Variants in TRRAP observed in about 807,000 individuals in gnomAD.
TRRAP encodes the protein transformation/transcription domain associated protein.
Under a neutral mutation model 438.8 loss-of-function variants are expected in TRRAP, and 41 were observed. The observed-to-expected ratio is 0.09, with a 90% CI of 0.07 to 0.12. The LOEUF (loss-of-function observed/expected upper bound fraction) is 0.12. Among genes scored for constraint, TRRAP ranks in the 10% least tolerant of loss-of-function variants. The pLI is 1.00. For missense variants in TRRAP, 3,122 were observed against 5,055.1 expected (o/e 0.62, Z 11.60); for synonymous variants, 1,994 against 1,962.9 (o/e 1.02, Z -0.42).
At chr7:98,949,879 T>C (rs1584349816) in intron 37 of TRRAP, 38 bp downstream of exon 37, 1 of 1,595,648 alleles carries the variant, frequency 6.3e-7, no homozygotes, top group East Asian at 2.2e-5. Context: ...CGGGACTGGC[T>C]CTGTCCCAAA....
chr7:99,005,301 G>C lies in TRRAP; in HGVS notation c.10706G>C (p.Cys3569Ser). 6.2e-7 allele frequency: 1 copy of C among 1,614,114 alleles called. No individual in the cohort carries two copies. The highest frequency in any genetic ancestry group is 8.5e-7 in the Non-Finnish European group (1 of 1,180,036). ...CAGCTGCTGCGTCTGCTGAACCCCTGTTTGGAGAAGAGAAAGGAGACCACC... is the reference window on the plus strand; with the variant it reads ...CAGCTGCTGCGTCTGCTGAACCCCTCTTTGGAGAAGAGAAAGGAGACCACC... ...VLQLLRLLNPCLEKRKETTKR... is the reference protein window; with the variant it reads ...VLQLLRLLNPSLEKRKETTKR... The change falls in exon 69 of 73, where the codon TGT (cysteine) becomes TCT (serine). Residue 3569 changes from cysteine to serine, a missense_variant. Cys to Ser is a moderately radical substitution (Grantham distance 112). Coordinates refer to ENST00000456197, the MANE Select transcript of TRRAP (RefSeq NM_001375524.1). The surrounding 1 kb of genome is among the most constrained non-coding windows in gnomAD (Gnocchi z 5.1).
At chr7:98,880,092 A>G (rs11771770) in intron 1 of TRRAP, among the ~76,000 whole-genome samples, 17,908 of 151,914 alleles carry the variant, frequency 0.12, 3,422 homozygotes, top group African/African-American at 0.4. Context: ...TACAAACAGA[A>G]TTTATAGTTT....
At chr7:98,936,198 A>G (rs888351253) in intron 28 of TRRAP, among the ~76,000 whole-genome samples, 6 of 152,216 alleles carry the variant, frequency 3.9e-5, no homozygotes, top group Admixed American at 2.6e-4. Flanking sequence ...ACCCAATACA[A>G]ACTTTTTTGG....
chr7:98,964,565 C>A, intron 47 of TRRAP, 64 bp from the exon 48 acceptor site: 1 of 1,573,562 alleles, frequency 6.4e-7, no homozygotes, highest in Non-Finnish European at 8.7e-7. Flanking sequence ...TAATGTGTTG[C>A]TTTCACTCTG....
rs782751763 is a variant in TRRAP, at chr7:98,899,775, G to A, written c.800+8G>A. 2.0e-5 allele frequency: 33 copies of A among 1,613,696 alleles called. No homozygotes were observed. The highest frequency in any genetic ancestry group is 4.4e-5 in the South Asian group (4 of 91,090). ...GGTGTCTGCACAAGCGAGGTGAGGC[G>A]TCACTGTAGCCGGCTGCCACAGTGC... is the stretch of plus-strand genomic sequence containing the variant. On this transcript the variant is annotated splice_region_variant and intron_variant, in intron 10 of 72. Coordinates refer to ENST00000456197, the MANE Select transcript of TRRAP (RefSeq NM_001375524.1).
At chr7:98,938,716 G>T (rs1790665822) in intron 30 of TRRAP, among the ~76,000 whole-genome samples, 2 of 152,126 alleles carry the variant, frequency 1.3e-5, no homozygotes, top group African/African-American at 4.8e-5. Context: ...CATTTAGATT[G>T]TTCCCAGCCT....
chr7:98,924,538 A>T (rs1554411155), intron 21 of TRRAP, among the ~76,000 whole-genome samples: 1 of 147,016 alleles, frequency 6.8e-6, no homozygotes, highest in Non-Finnish European at 1.5e-5. Context: ...ATACAAAAAA[A>T]ATTAGCCGGG....
rs757065093 is a variant in TRRAP, at chr7:98,976,753, A to C, written c.8230A>C (p.Ile2744Leu). Residue 2744 changes from isoleucine (I) to leucine (L), a missense_variant, in exon 55 of 73, where the codon ATC (isoleucine) becomes CTC (leucine). Physicochemically the swap from Ile to Leu is conservative, Grantham distance 5. This residue lies in a region of TRRAP where 992 missense variants were observed against 1,281.2 expected (regional missense o/e 0.77). Transcript: ENST00000456197. This position sits in a 1 kb window ranked among gnomAD's most constrained non-coding sequence, Gnocchi z 4.6. ...QTTEFYEQES[I>L]TPPQQEILDS... ...AACGGAGTTTTATGAGCAGGAGAGC[A>C]TCACCCCGCCGCAGCAGGTGAGGGT... 2 of 1,613,090 alleles carry C rather than the reference A, an allele frequency of 1.2e-6. No individual in the cohort carries two copies. Among genetic ancestry groups the C allele is most frequent in the Admixed American group, 1.7e-5 (1 of 60,010 alleles).
intron 56 of TRRAP, among the ~76,000 whole-genome samples, chr7:98,977,912 C>T (rs993486592): frequency 6.6e-6 from 1 of 152,222 alleles, no homozygotes; most frequent in Non-Finnish European, 1.5e-5. Flanking sequence ...ATTTAGTGCT[C>T]CTGGAGAAGA....
Position 98,910,226 on chromosome 7 carries a change from T to A in TRRAP, c.1521T>A (p.Pro507=). Residue 507 remains proline (P), a synonymous_variant, in exon 15 of 73, where the codon CCT becomes CCA. Coordinates refer to ENST00000456197, the MANE Select transcript of TRRAP (RefSeq NM_001375524.1). ...APSPAPVPAP[P]PPPPPPPPAT... ...CCCCAGCCCCTGTCCCTGCCCCACC[T>A]CCACCCCCGCCCCCACCCCCACCTG... The A allele has an allele frequency of 7.4e-6, 2 of 271,682 alleles. No homozygotes were observed. The highest frequency in any genetic ancestry group is 1.0e-5 in the Non-Finnish European group (2 of 195,522). The allele number at this position is 271,682 out of a possible 1,614,324, so 16.8% of individuals were successfully genotyped here. A position where few individuals can be genotyped will look rare whatever the true frequency, so the allele number is the denominator to read the frequency against.
rs148071287 is a variant in TRRAP at position 98,958,043 on chromosome 7, G to A, written c.6294G>A (p.Lys2098=). The stretch of plus-strand genomic sequence containing the variant: ...CTCTCCTCGCCAAGCCCATTGACAA[G>A]CAGCACACAGACACTGTGGTGAACT... ...ADSLLAKPID[K]QHTDTVVNFL... Residue 2098 remains lysine (K), a synonymous_variant, in exon 44 of 73, where the codon AAG becomes AAA. Coordinates refer to ENST00000456197, the MANE Select transcript of TRRAP (RefSeq NM_001375524.1). The A allele has an allele frequency of 2.2e-4, 362 of 1,614,182 alleles. 4 individuals carry two copies. In the East Asian group the frequency reaches 8.0e-3, roughly 36 times the overall value.
intron 62 of TRRAP, 106 bp from the exon 63 acceptor site, chr7:98,988,659 G>A (rs1793255766): frequency 7.5e-7 from 1 of 1,332,030 alleles, no homozygotes; most frequent in Non-Finnish European, 1.0e-6. Context: ...CATTGTGAAT[G>A]GACCAAATGC....
At chr7:98,897,692 A>C in intron 7 of TRRAP, 49 bp from the exon 8 acceptor site, 1 of 1,511,114 alleles carries the variant, frequency 6.6e-7, no homozygotes, top group South Asian at 1.3e-5. Flanking sequence ...TTTTTGAATG[A>C]ATATTGGGTT....
chr7:98,902,814 T>C (rs1796529277), intron 11 of TRRAP, among the ~76,000 whole-genome samples: 1 of 151,036 alleles, frequency 6.6e-6, no homozygotes, highest in Non-Finnish European at 1.5e-5. Context: ...AAGCCTGGCA[T>C]GGTGGCTCAT....
intron 69 of TRRAP, among the ~76,000 whole-genome samples, chr7:99,007,703 C>T (rs927531713): frequency 6.6e-6 from 1 of 151,938 alleles, no homozygotes; most frequent in Non-Finnish European, 1.5e-5. Context: ...GACTGGAGTG[C>T]AGTGGCGCAG....
intron 21 of TRRAP, among the ~76,000 whole-genome samples, chr7:98,924,779 A>G (rs1178735762): frequency 1.4e-5 from 2 of 146,848 alleles, no homozygotes; most frequent in Admixed American, 6.9e-5. Flanking sequence ...CGAGGCGGGC[A>G]GATCACGAGG....
chr7:98,932,085 AT>A (rs1790349059), intron 26 of TRRAP, among the ~76,000 whole-genome samples: 1 of 148,780 alleles, frequency 6.7e-6, no homozygotes, highest in Non-Finnish European at 1.5e-5. Context: ...TGGCTAGTTT[AT>A]TTTTTATTTT....
chr7:98,915,497 A>C (rs1469485490), intron 18 of TRRAP, among the ~76,000 whole-genome samples: 3 of 152,140 alleles, frequency 2.0e-5, no homozygotes, highest in African/African-American at 7.2e-5. Flanking sequence ...TGGCCCCTGT[A>C]GGTTATTTTT....
intron 27 of TRRAP, 91 bp from the exon 28 acceptor site, chr7:98,935,486 AGT>A: frequency 9.9e-7 from 1 of 1,009,176 alleles, no homozygotes; most frequent in East Asian, 2.6e-5. Context: ...ATTGTGTTGC[AGT>A]GTGTGGAAGA....
Sources: allele counts gnomAD v4.1 joint callset (sites outside exome capture counted in the v4.1 genomes callset), GRCh38; gene constraint gnomAD v4.1.1; regional missense constraint gnomAD v4.1.1; non-coding constraint Gnocchi (gnomAD v3.1); transcripts MANE v1.5; gene names NCBI Gene and HGNC (gene_info 2026-07-23, HGNC 2026-07-21).